Variants in CACNB2 observed in about 807,000 individuals in gnomAD.
CACNB2 encodes voltage-dependent L-type calcium channel subunit beta-2.
In CACNB2, 42 loss-of-function variants were observed where a neutral mutation model predicts 73.3. That is an observed-to-expected ratio of 0.57 (90% CI 0.45 to 0.74). CACNB2 has a LOEUF of 0.74. CACNB2 is among the 30% of genes least tolerant of loss of function. The pLI, the probability that CACNB2 is intolerant of heterozygous loss-of-function variation, is 0.00. For missense variants in CACNB2, 940 were observed against 853.0 expected, an observed-to-expected ratio of 1.10 and a Z score of -1.27; for synonymous variants, 348 against 310.3, an observed-to-expected ratio of 1.12 and a Z score of -1.28.
At chr10:18,390,061 AAC>A (rs1245046846) in intron 2 of CACNB2, among the ~76,000 whole-genome samples, 22 of 152,314 alleles carry the variant, frequency 1.4e-4, no homozygotes, top group African/African-American at 5.3e-4. Flanking sequence ...TTCCCTGGAG[AAC>A]ACAGAAGTTA....
At chr10:18,198,887 A>C (rs1386171295) in intron 2 of CACNB2, among the ~76,000 whole-genome samples, 1 of 152,228 alleles carries the variant, frequency 6.6e-6, no homozygotes, top group Admixed American at 6.5e-5. Context: ...ATATAAATGT[A>C]AATATTCCGA....
At chr10:18,245,986 A>G (rs1159999602) in intron 2 of CACNB2, among the ~76,000 whole-genome samples, 1 of 152,332 alleles carries the variant, frequency 6.6e-6, no homozygotes, top group African/African-American at 2.4e-5. Context: ...CTGGAAATAA[A>G]TGGTCAGAAA....
At chr10:18,527,330 C>T (rs969934452) in intron 9 of CACNB2, among the ~76,000 whole-genome samples, 2 of 152,002 alleles carry the variant, frequency 1.3e-5, no homozygotes, top group Non-Finnish European at 2.9e-5. Flanking sequence ...GAGCCGAGAA[C>T]GCACCACTGC....
At chr10:18,394,140 C>T (rs190419063) in intron 2 of CACNB2, among the ~76,000 whole-genome samples, 130 of 151,614 alleles carry the variant, frequency 8.6e-4, no homozygotes, top group African/African-American at 2.9e-3. Flanking sequence ...CAGGGTTTCA[C>T]CATATTGGCC....
At chr10:18,514,566 C>A (rs1438864307) in intron 7 of CACNB2, 197 bp downstream of exon 7, 2 of 1,607,090 alleles carry the variant, frequency 1.2e-6, no homozygotes, top group East Asian at 2.2e-5. Context: ...GTTTATCCTG[C>A]CACTGGCATC....
intron 3 of CACNB2, among the ~76,000 whole-genome samples, chr10:18,475,449 C>G (rs1184822466): frequency 6.6e-6 from 1 of 152,168 alleles, no homozygotes; most frequent in Non-Finnish European, 1.5e-5. Flanking sequence ...AGACACTTAA[C>G]ACTTTGGAGA....
chr10:18,440,140 G>C (rs979692345), intron 3 of CACNB2, among the ~76,000 whole-genome samples: 2 of 152,124 alleles, frequency 1.3e-5, no homozygotes, highest in Non-Finnish European at 2.9e-5. Context: ...CTTCATGTGG[G>C]AGAGGGAGTG....
chr10:18,421,859 G>A (rs1033422950), intron 3 of CACNB2, among the ~76,000 whole-genome samples: 6 of 152,110 alleles, frequency 3.9e-5, no homozygotes, highest in African/African-American at 1.4e-4. Flanking sequence ...ACTATGGAAC[G>A]TTGGGGTGTA....
chr10:18,521,745 G>A (rs10764566), intron 9 of CACNB2, among the ~76,000 whole-genome samples: 93,800 of 152,042 alleles, frequency 0.62, 29,877 homozygotes, highest in East Asian at 0.97. Flanking sequence ...GGAAACCTCA[G>A]AGTTTAAGAG....
At chr10:18,392,500 A>C (rs770302735) in intron 2 of CACNB2, among the ~76,000 whole-genome samples, 6 of 152,144 alleles carry the variant, frequency 3.9e-5, no homozygotes, top group Non-Finnish European at 7.3e-5. Flanking sequence ...GAACAGGAAG[A>C]GAAGAGTTAG....
Position 18,442,980 on chromosome 10 carries a change from A to G in CACNB2, c.333+40937A>G, listed in dbSNP as rs1317125950. Among the ~76,000 whole-genome samples, 60 of 19,804 alleles carry G rather than the reference A, an allele frequency of 3.0e-3. 1 individual carries two copies. The highest frequency in any genetic ancestry group is 0.013 in the East Asian group (4 of 300). The allele number at this position is 19,804 out of a possible 152,430, so 13.0% of individuals were successfully genotyped here. ...TATGTATATATATATGTGTATATATATATATGTATATATATATGTGTATAT... is the reference window on the plus strand; with the variant it reads ...TATGTATATATATATGTGTATATATGTATATGTATATATATATGTGTATAT... On this transcript the variant is annotated intron_variant, in intron 3 of 13. Coordinates refer to ENST00000324631, the MANE Select transcript of CACNB2 (RefSeq NM_201596.3).
chr10:18,279,548 C>T (rs1477133186), intron 2 of CACNB2, among the ~76,000 whole-genome samples: 1 of 152,102 alleles, frequency 6.6e-6, no homozygotes, highest in Non-Finnish European at 1.5e-5. Flanking sequence ...ATATAATATG[C>T]CAGAGTAATA....
chr10:18,274,411 C>T (rs778226814), intron 2 of CACNB2, among the ~76,000 whole-genome samples: 8 of 152,158 alleles, frequency 5.3e-5, no homozygotes, highest in South Asian at 2.1e-4. Flanking sequence ...TACTCCTGAA[C>T]GCCTGCCTCT....
At position 18,445,930 on chromosome 10, in the gene CACNB2, AG is replaced by A. The variant is rs2046711402; in HGVS notation, c.333+43889del. 2.0e-5 allele frequency among the ~76,000 whole-genome samples: 3 copies of A among 152,342 alleles called. No homozygotes were observed. The South Asian group carries it at 6.2e-4, about 32-fold the overall frequency. ...ATGCCTGTAATTCCAGCTACTCAGGAGGCTGAGGCAGGAGAATCGCTTGAAC... is the reference window on the plus strand; with the variant it reads ...ATGCCTGTAATTCCAGCTACTCAGGAGCTGAGGCAGGAGAATCGCTTGAAC... On this transcript the variant is annotated intron_variant, in intron 3 of 13. Transcript: ENST00000324631.
At chr10:18,143,108 G>T (rs1221745116) in intron 1 of CACNB2, among the ~76,000 whole-genome samples, 1 of 152,196 alleles carries the variant, frequency 6.6e-6, no homozygotes, top group South Asian at 2.1e-4. Flanking sequence ...ATTGGACACA[G>T]GCGTAAAACT....
Position 18,221,324 on chromosome 10 carries a change from C to G in CACNB2, c.213+70349C>G, listed in dbSNP as rs1196990330. Among the ~76,000 whole-genome samples, 4 of 152,144 alleles carry G rather than the reference C, an allele frequency of 2.6e-5. No homozygotes were observed. The East Asian group carries it at 7.7e-4, about 29-fold the overall frequency. On this transcript the variant is annotated intron_variant, in intron 2 of 13. Transcript: ENST00000324631. The stretch of plus-strand genomic sequence containing the variant: ...CTGTTACTCATACAAACACTCACAT[C>G]TGCTAATTCCTGGACCTATTACTGT...
intron 3 of CACNB2, among the ~76,000 whole-genome samples, chr10:18,411,208 G>A (rs574676385): frequency 2.1e-4 from 32 of 152,148 alleles, no homozygotes; most frequent in African/African-American, 5.5e-4. Context: ...AGCCGCATGC[G>A]TTTGTTTATT....
chr10:18,488,926 C>T (rs945474060), intron 3 of CACNB2, among the ~76,000 whole-genome samples: 9 of 151,966 alleles, frequency 5.9e-5, no homozygotes, highest in African/African-American at 2.2e-4. Flanking sequence ...GCCTGTAATC[C>T]CAGCATTTTG....
chr10:18,420,063 C>T (rs2045236851), intron 3 of CACNB2, among the ~76,000 whole-genome samples: 1 of 152,172 alleles, frequency 6.6e-6, no homozygotes, highest in Non-Finnish European at 1.5e-5. Flanking sequence ...CGTGCCCAAC[C>T]CCCTGGGAAT....
Sources: gnomAD v4.1 joint callset for allele counts (sites outside exome capture counted in the v4.1 genomes callset) on GRCh38, gnomAD v4.1.1 for gene constraint, MANE v1.5 for transcripts, NCBI Gene and HGNC (gene_info 2026-07-23, HGNC 2026-07-21) for gene names.